APPL1: variants seen among roughly 807,000 people sequenced by gnomAD.
APPL1 encodes adaptor protein, phosphotyrosine interacting with PH domain and leucine zipper 1.
In APPL1, 42 loss-of-function variants were observed where a neutral mutation model predicts 106.8. That is an observed-to-expected ratio of 0.39 (90% CI 0.31 to 0.51). The LOEUF (loss-of-function observed/expected upper bound fraction) is 0.51, where lower values mean the gene tolerates loss of function less well. Ranked by LOEUF, APPL1 falls within the 20% of genes least tolerant of loss-of-function variation. The pLI is 0.75. For synonymous variants in APPL1, 263 were observed against 281.8 expected (o/e 0.93, Z 0.67); for missense variants, 769 against 858.2 (o/e 0.90, Z 1.30).
chr3:57,249,042 G>A (rs2060789717), intron 10 of APPL1, among the ~76,000 whole-genome samples: 1 of 152,084 alleles, frequency 6.6e-6, no homozygotes, highest in South Asian at 2.1e-4. Context: ...GTTAACCCTA[G>A]AAATAAAATA....
chr3:57,263,158 T>C (rs1312682386), intron 19 of APPL1, among the ~76,000 whole-genome samples: 1 of 152,172 alleles, frequency 6.6e-6, no homozygotes, highest in Non-Finnish European at 1.5e-5. Context: ...GCCAGGTGTA[T>C]ATATTTATGC....
intron 1 of APPL1, among the ~76,000 whole-genome samples, chr3:57,229,903 G>A (rs751011859): frequency 4.6e-5 from 7 of 151,870 alleles, no homozygotes; most frequent in Admixed American, 1.3e-4. Flanking sequence ...TTGTAGAGAC[G>A]GGGTTTTGCC....
chr3:57,238,116 G>A lies in APPL1; in HGVS notation c.285G>A (p.Glu95=), dbSNP rs759813371. The change falls in exon 4 of 22, where the codon GAG becomes GAA. Residue 95 remains glutamate (E), a splice_region_variant and synonymous_variant. Transcript: ENST00000288266. ...AACAGTTTTCAAAAGTTATAGATGA[G>A]GTAAACGTTTATTTTATTTTGCTTG... ...TLQQFSKVID[E]LSSCHAVLST... is the part of the protein sequence containing the mutation. The A allele has an allele frequency of 6.2e-7, 1 of 1,604,038 alleles. No homozygotes were observed. The highest frequency in any genetic ancestry group is 8.5e-7 in the Non-Finnish European group (1 of 1,174,708).
intron 7 of APPL1, among the ~76,000 whole-genome samples, chr3:57,243,814 C>T (rs947145744): frequency 2.0e-5 from 3 of 152,142 alleles, no homozygotes; most frequent in African/African-American, 7.2e-5. Flanking sequence ...TTTTACATTA[C>T]TTCTGGCTGC....
intron 9 of APPL1, 79 bp downstream of exon 9, chr3:57,247,556 A>C: frequency 8.8e-6 from 8 of 909,792 alleles, no homozygotes; most frequent in Non-Finnish European, 1.2e-5. Flanking sequence ...AAAGATATTT[A>C]TCATTTACTT....
Position 57,249,134 on chromosome 3 carries a change from T to C in APPL1, c.864-226T>C, listed in dbSNP as rs17057878. Reference sequence around the variant, plus strand: ...GGATCATTATTATAACAGCCACAGTTTGATAATTTCCAGCCTTGTTTTGGA... The same window carrying C: ...GGATCATTATTATAACAGCCACAGTCTGATAATTTCCAGCCTTGTTTTGGA... On this transcript the variant is annotated intron_variant, in intron 10 of 21. Coordinates refer to ENST00000288266, the MANE Select transcript of APPL1 (RefSeq NM_012096.3). 9.9e-3 allele frequency among the ~76,000 whole-genome samples: 1,504 copies of C among 152,346 alleles called. 18 individuals are homozygous for C. Among genetic ancestry groups the C allele is most frequent in the African/African-American group, 0.034 (1,434 of 41,584 alleles).
At position 57,228,964 on chromosome 3, in the gene APPL1, G is replaced by A. The variant is rs781139144; in HGVS notation, c.54+1027G>A. Among the ~76,000 whole-genome samples, 3 of 152,318 alleles carry A rather than the reference G, an allele frequency of 2.0e-5. No homozygotes were observed. Among genetic ancestry groups the A allele is most frequent in the Non-Finnish European group, 4.4e-5 (3 of 68,030 alleles). On this transcript the variant is annotated intron_variant, in intron 1 of 21. Coordinates refer to ENST00000288266, the MANE Select transcript of APPL1 (RefSeq NM_012096.3). This position sits in a 1 kb window ranked among gnomAD's most constrained non-coding sequence, Gnocchi z 4.6. Reference sequence around the variant, plus strand: ...GAAGAGGTCTAGATCTCCTTTTCCTGGATGGCACTTCTGCCATGGATTTTG... The same window carrying A: ...GAAGAGGTCTAGATCTCCTTTTCCTAGATGGCACTTCTGCCATGGATTTTG...
chr3:57,232,561 T>C (rs2060692531), intron 1 of APPL1, among the ~76,000 whole-genome samples: 1 of 152,190 alleles, frequency 6.6e-6, no homozygotes, highest in African/African-American at 2.4e-5. Flanking sequence ...TCAAATGACA[T>C]CATCAAAATT....
intron 8 of APPL1, among the ~76,000 whole-genome samples, chr3:57,246,989 TCA>T (rs1491135200): frequency 1.2e-4 from 13 of 112,048 alleles, no homozygotes; most frequent in Non-Finnish European, 2.4e-4. Context: ...AGACCCTGTC[TCA>T]AAAAAAAAAA....
intron 19 of APPL1, among the ~76,000 whole-genome samples, chr3:57,262,570 G>A (rs142453183): frequency 1.3e-5 from 2 of 150,254 alleles, no homozygotes; most frequent in African/African-American, 4.9e-5. Flanking sequence ...TTTTTTAGTA[G>A]AGACAGGATT....
rs998583174 is a variant in APPL1 at position 57,228,502 on chromosome 3, T to G, written c.54+565T>G. On this transcript the variant is annotated intron_variant, in intron 1 of 21. Transcript: ENST00000288266. This position sits in a 1 kb window ranked among gnomAD's most constrained non-coding sequence, Gnocchi z 4.6. Reference sequence around the variant, plus strand: ...TGTGCCCGTGTCGCGGCCGTGACTGTGGTCGCTGTCACTCGAGCTGTGCAC... The same window carrying G: ...TGTGCCCGTGTCGCGGCCGTGACTGGGGTCGCTGTCACTCGAGCTGTGCAC... Among the ~76,000 whole-genome samples the G allele has an allele frequency of 6.6e-6, 1 of 152,234 alleles. No individual in the cohort carries two copies. Among genetic ancestry groups the G allele is most frequent in the African/African-American group, 2.4e-5 (1 of 41,474 alleles).
intron 11 of APPL1, among the ~76,000 whole-genome samples, chr3:57,251,064 C>T (rs1169753544): frequency 1.3e-5 from 2 of 149,870 alleles, no homozygotes. Flanking sequence ...GCCTCGGCCT[C>T]CCAAAGTGCT....
chr3:57,254,429 G>A (rs1047407541), intron 13 of APPL1, among the ~76,000 whole-genome samples: 5 of 152,194 alleles, frequency 3.3e-5, no homozygotes, highest in African/African-American at 9.7e-5. Flanking sequence ...ATATGGCGAT[G>A]ACTAAAGGCT....
chr3:57,238,537 T>C (rs2060728702), intron 4 of APPL1, among the ~76,000 whole-genome samples: 1 of 152,102 alleles, frequency 6.6e-6, no homozygotes, highest in Non-Finnish European at 1.5e-5. Context: ...CAACAAATCA[T>C]TAAAACAAAG....
chr3:57,252,304 A>G lies in APPL1; in HGVS notation c.1088A>G (p.His363Arg). 1.9e-6 allele frequency: 3 copies of G among 1,605,270 alleles called. No homozygotes were observed. The highest frequency in any genetic ancestry group is 2.6e-6 in the Non-Finnish European group (3 of 1,175,468). Residue 363 changes from histidine to arginine, a missense_variant, in exon 12 of 22, where the codon CAT becomes CGT. By Grantham distance (29) the His-to-Arg change is conservative. Coordinates refer to ENST00000288266, the MANE Select transcript of APPL1 (RefSeq NM_012096.3). ...SILQAESKKD[H>R]EEWICTINNI... ...TTGCAAGCAGAGAGTAAAAAAGATC[A>G]TGAAGAGGTAAGATTTTACCTAGTT...
chr3:57,272,587 C>T lies in APPL1; in HGVS notation c.*2900C>T, dbSNP rs2060949989. 1 of 151,898 alleles carries T rather than the reference C, an allele frequency of 6.6e-6. No homozygotes were observed. The highest frequency in any genetic ancestry group is 1.5e-5 in the Non-Finnish European group (1 of 68,034). 9.4% of individuals were successfully genotyped at this position (151,898 alleles called of 1,614,324 possible). On this transcript the variant is annotated 3_prime_UTR_variant, in exon 22 of 22. Transcript: ENST00000288266. ...GCTAGTATGTTGTAAAACCTGCCAC[C>T]TGAATAAAATGAAAAAAAAAGTGTT...
chr3:57,247,782 G>T (rs1054799493), intron 9 of APPL1, among the ~76,000 whole-genome samples: 1 of 152,106 alleles, frequency 6.6e-6, no homozygotes, highest in Non-Finnish European at 1.5e-5. Context: ...GAAATTGTGG[G>T]AGTTTGATGG....
chr3:57,235,056 C>A (rs757640693), intron 1 of APPL1, among the ~76,000 whole-genome samples: 5 of 152,090 alleles, frequency 3.3e-5, no homozygotes, highest in African/African-American at 7.2e-5. Context: ...AGGAAAACCC[C>A]CAAATTGTGC....
Position 57,242,184 on chromosome 3 carries a change from A to G in APPL1, c.415+42A>G, listed in dbSNP as rs538539616. The G allele has an allele frequency of 5.6e-5, 84 of 1,511,288 alleles. 3 individuals are homozygous for G. The South Asian group carries it at 9.3e-4, about 17-fold the overall frequency. 93.6% of individuals were successfully genotyped at this position (1,511,288 alleles called of 1,614,324 possible). A position where few individuals can be genotyped will look rare whatever the true frequency, so the allele number is the denominator to read the frequency against. The stretch of plus-strand genomic sequence containing the variant: ...GCACACTTATTTCTTGCAGTGATGT[A>G]TTTGTTTATCAGTGCATATCTGTGG... On this transcript the variant is annotated intron_variant, in intron 6 of 21. Transcript: ENST00000288266.
Sources: gnomAD v4.1 joint callset for allele counts (sites outside exome capture counted in the v4.1 genomes callset) on GRCh38, gnomAD v4.1.1 for gene constraint, Gnocchi (gnomAD v3.1) non-coding constraint, MANE v1.5 for transcripts, NCBI Gene and HGNC (gene_info 2026-07-23, HGNC 2026-07-21) for gene names.